Variants in MYH15 observed in about 807,000 individuals in gnomAD.
The protein encoded by MYH15 is myosin-15.
A neutral mutation model predicts 240.5 loss-of-function variants in MYH15; 227 were observed. The ratio of observed to expected loss-of-function variants is 0.94; its 90% CI spans 0.85 to 1.05. The LOEUF (loss-of-function observed/expected upper bound fraction) is 1.05. Ranked by LOEUF, MYH15 falls within the 50% of genes least tolerant of loss-of-function variation. The pLI is 0.00. For synonymous variants in MYH15, 785 were observed against 796.7 expected (o/e 0.99, Z 0.25); for missense variants, 2,217 against 2,247.5 (o/e 0.99, Z 0.27).
chr3:108,420,937 G>T, intron 28 of MYH15, 151 bp downstream of exon 28: 2 of 1,069,288 alleles, frequency 1.9e-6, no homozygotes, highest in Non-Finnish European at 2.7e-6. Flanking sequence ...AGAGGCATGT[G>T]TGTGGCAAAG....
At chr3:108,406,410 C>G (rs1234771107) in intron 32 of MYH15, among the ~76,000 whole-genome samples, 4 of 152,050 alleles carry the variant, frequency 2.6e-5, no homozygotes, top group African/African-American at 9.7e-5. Flanking sequence ...TTTAATAAGA[C>G]CTCCCTTGAT....
intron 10 of MYH15, among the ~76,000 whole-genome samples, chr3:108,485,795 A>G: frequency 6.6e-6 from 1 of 152,250 alleles, no homozygotes; most frequent in East Asian, 1.9e-4. Context: ...GTACCAAGAG[A>G]CTATAAAAAA....
At chr3:108,523,367 A>C (rs938806151) in intron 1 of MYH15, among the ~76,000 whole-genome samples, 4 of 152,042 alleles carry the variant, frequency 2.6e-5, no homozygotes, top group African/African-American at 9.7e-5. Context: ...AATTAGGGTC[A>C]GAATTAGATA....
At chr3:108,395,891 C>A (rs946834609) in intron 35 of MYH15, among the ~76,000 whole-genome samples, 3 of 151,988 alleles carry the variant, frequency 2.0e-5, no homozygotes, top group Admixed American at 2.0e-4. Context: ...GGGGAGAGGT[C>A]CTTGTGAATA....
At chr3:108,484,478 T>G (rs1299994489) in intron 11 of MYH15, among the ~76,000 whole-genome samples, 3 of 152,158 alleles carry the variant, frequency 2.0e-5, no homozygotes, top group Admixed American at 6.5e-5. Context: ...TTTGTATTTT[T>G]ATTTTATTTT....
intron 12 of MYH15, among the ~76,000 whole-genome samples, chr3:108,474,908 A>C (rs1049618791): frequency 1.3e-5 from 2 of 152,172 alleles, no homozygotes; most frequent in Admixed American, 6.6e-5. Flanking sequence ...TTGGAGTACT[A>C]AGATGAATTA....
chr3:108,430,882 T>C lies in MYH15; in HGVS notation c.3262A>G (p.Asn1088Asp). Residue 1088 changes from asparagine (N) to aspartate (D), a missense_variant, in exon 26 of 41, where the codon AAT (asparagine) becomes GAT (aspartate). Coordinates refer to ENST00000693548, the MANE Select transcript of MYH15 (RefSeq NM_014981.3). Reference sequence around the variant, plus strand: ...AGCTGAGCTACCAGGCCTTTCTCATTCTCCACTTTTGAATTCATCTGACTC... The same window carrying C: ...AGCTGAGCTACCAGGCCTTTCTCATCCTCCACTTTTGAATTCATCTGACTC... ...ELSQMNSKVE[N>D]EKGLVAQLQK... 2 of 1,612,620 alleles carry C rather than the reference T, an allele frequency of 1.2e-6. No individual in the cohort carries two copies. The highest frequency in any genetic ancestry group is 2.2e-5 in the South Asian group (2 of 91,066).
chr3:108,492,337 C>T (rs533746576), intron 9 of MYH15, among the ~76,000 whole-genome samples, 163 bp downstream of exon 9: 1 of 152,216 alleles, frequency 6.6e-6, no homozygotes, highest in African/African-American at 2.4e-5. Flanking sequence ...TAAAATTATA[C>T]AACACTAGTT....
At chr3:108,478,313 A>G (rs1311655402) in intron 11 of MYH15, among the ~76,000 whole-genome samples, 3 of 152,142 alleles carry the variant, frequency 2.0e-5, no homozygotes, top group Non-Finnish European at 4.4e-5. Context: ...CAAGTTACAT[A>G]CCTACTTTAT....
intron 1 of MYH15, among the ~76,000 whole-genome samples, chr3:108,516,093 A>G (rs1271808781): frequency 6.6e-6 from 1 of 152,220 alleles, no homozygotes; most frequent in East Asian, 1.9e-4. Flanking sequence ...CTATAAGCAG[A>G]AACTCAAATG....
rs1456848896 is a variant in MYH15 at position 108,384,237 on chromosome 3, T to C, written c.5631+450A>G. On this transcript the variant is annotated intron_variant, in intron 39 of 40. Transcript: ENST00000693548. ...TTATCAATTACATTCCCTGTAGTTA[T>C]AGATACTGACCCAGGGATGGCAAGT... Among the ~76,000 whole-genome samples, 9 of 152,328 alleles carry C rather than the reference T, an allele frequency of 5.9e-5. No individual in the cohort carries two copies. In the South Asian group the frequency reaches 1.2e-3, roughly 21 times the overall value.
intron 6 of MYH15, 71 bp from the exon 7 acceptor site, chr3:108,495,943 A>C (rs1247218698): frequency 8.4e-7 from 1 of 1,185,384 alleles, no homozygotes; most frequent in African/African-American, 1.5e-5. Context: ...CAAGCCCTCC[A>C]TCTCCAGGTC....
At chr3:108,431,029 G>A in intron 25 of MYH15, 107 bp from the exon 26 acceptor site, 1 of 788,396 alleles carries the variant, frequency 1.3e-6, no homozygotes, top group Non-Finnish European at 2.0e-6. Context: ...AATGTTTGAG[G>A]TGATAGATAT....
intron 21 of MYH15, among the ~76,000 whole-genome samples, chr3:108,449,725 A>G (rs1451213819): frequency 6.6e-6 from 1 of 152,082 alleles, no homozygotes; most frequent in Non-Finnish European, 1.5e-5. Flanking sequence ...GCAAAAATAG[A>G]CAATGGGATT....
chr3:108,507,135 G>T (rs1441720080), intron 1 of MYH15, among the ~76,000 whole-genome samples: 1 of 151,474 alleles, frequency 6.6e-6, no homozygotes, highest in East Asian at 1.9e-4. Flanking sequence ...GAACCCAGGA[G>T]TTGGCTCATT....
Position 108,381,541 on chromosome 3 carries a change from G to T in MYH15, c.*4C>A, listed in dbSNP as rs967886785. 1 of 1,613,854 alleles carries T rather than the reference G, an allele frequency of 6.2e-7. No individual in the cohort carries two copies. Among genetic ancestry groups the T allele is most frequent in the South Asian group, 1.1e-5 (1 of 91,070 alleles). ...CAGCTGTTGTCCTTTCAAAGCAGGG[G>T]ATGCTATTCTTCTTGAACCTGAAAA... On this transcript the variant is annotated 3_prime_UTR_variant, in exon 41 of 41. Transcript: ENST00000693548.
chr3:108,509,160 A>G (rs182710762), intron 1 of MYH15, among the ~76,000 whole-genome samples: 582 of 152,340 alleles, frequency 3.8e-3, no homozygotes, highest in Non-Finnish European at 6.7e-3. Flanking sequence ...CAGCCTGGGA[A>G]GATGAACAAC....
In MYH15 at chr3:108,510,336, A is replaced by T. The variant is rs561132897; in HGVS notation, c.88+107T>A. The T allele has an allele frequency of 1.3e-3, 1,886 of 1,427,626 alleles. 3 individuals are homozygous for T. Among genetic ancestry groups the T allele is most frequent in the Non-Finnish European group, 1.5e-3 (1,603 of 1,063,306 alleles). 88.4% of individuals were successfully genotyped at this position (1,427,626 alleles called of 1,614,324 possible). ...TAGAGGCTGATCATACCCTAAGCAAATAAGTTAGGCTCTAGAACTGATGGC... is the reference window on the plus strand; with the variant it reads ...TAGAGGCTGATCATACCCTAAGCAATTAAGTTAGGCTCTAGAACTGATGGC... On this transcript the variant is annotated intron_variant, in intron 1 of 40. Transcript: ENST00000693548.
At chr3:108,408,179 C>T in intron 32 of MYH15, 101 bp downstream of exon 32, 1 of 1,339,118 alleles carries the variant, frequency 7.5e-7, no homozygotes, top group Non-Finnish European at 1.0e-6. Context: ...AGTAAATAAA[C>T]ATTTGAATAC....
Sources: gnomAD v4.1 joint callset for allele counts (sites outside exome capture counted in the v4.1 genomes callset) on GRCh38, gnomAD v4.1.1 for gene constraint, MANE v1.5 for transcripts, NCBI Gene and HGNC (gene_info 2026-07-23, HGNC 2026-07-21) for gene names.